Variants in RBFOX1 observed in about 807,000 individuals in gnomAD.
The protein encoded by RBFOX1 is RNA binding protein fox-1 homolog 1.
RBFOX1 carries 8 observed loss-of-function variants against 57.7 expected under a neutral mutation model. That is an observed-to-expected ratio of 0.14 (90% CI 0.08 to 0.25). The LOEUF (loss-of-function observed/expected upper bound fraction) is 0.25. Ranked by LOEUF, RBFOX1 falls within the 10% of genes least tolerant of loss-of-function variation. The pLI is 1.00. For synonymous variants in RBFOX1, 326 were observed against 222.4 expected (o/e 1.47, Z -4.15); for missense variants, 611 against 548.5 (o/e 1.11, Z -1.14).
Position 5,493,156 on chromosome 16 carries a change from G to A in RBFOX1, c.258+25902G>A, listed in dbSNP as rs75327441. 6.7e-3 allele frequency among the ~76,000 whole-genome samples: 1,027 copies of A among 152,316 alleles called. 13 individuals carry two copies. Among genetic ancestry groups the A allele is most frequent in the African/African-American group, 0.023 (962 of 41,574 alleles). ...AAGTGTGTTGACACCTTACTTAGAT[G>A]GTTCTTGAAACTCAGATCCCGAAGA... is the stretch of plus-strand genomic sequence containing the variant. On this transcript the variant is annotated intron_variant, in intron 2 of 2. Coordinates refer to the RBFOX1 transcript ENST00000585867.
intron 2 of RBFOX1, among the ~76,000 whole-genome samples, chr16:5,567,785 T>G (rs1050754167): frequency 6.6e-6 from 1 of 152,152 alleles, no homozygotes; most frequent in Non-Finnish European, 1.5e-5. Context: ...CTATACTGAT[T>G]AGGTTGATGG....
intron 3 of RBFOX1, among the ~76,000 whole-genome samples, chr16:7,029,459 G>C (rs1378173186): frequency 6.6e-6 from 1 of 151,650 alleles, no homozygotes; most frequent in African/African-American, 2.4e-5. Flanking sequence ...CTTCAGTCAG[G>C]ATGGAATAGA....
rs1475211428 is a variant in RBFOX1 at position 6,344,773 on chromosome 16, C to G, written c.-64+27716C>G. ...TGATATGATCTCGGCTTACTGCAAC[C>G]TCCACCACCTGGGTTCAAGCGATTC... is the stretch of plus-strand genomic sequence containing the variant. On this transcript the variant is annotated intron_variant, in intron 2 of 15. Coordinates refer to ENST00000550418, the MANE Select transcript of RBFOX1 (RefSeq NM_018723.4). Among the ~76,000 whole-genome samples the G allele has an allele frequency of 6.9e-5, 10 of 145,930 alleles. No individual in the cohort carries two copies. The South Asian group carries it at 1.5e-3, about 23-fold the overall frequency.
intron 14 of RBFOX1, among the ~76,000 whole-genome samples, chr16:7,704,875 A>C (rs1282004546): frequency 6.6e-6 from 1 of 151,508 alleles, no homozygotes; most frequent in East Asian, 2.0e-4. Flanking sequence ...ACATGGTGAA[A>C]TGTTGTCTAC....
At chr16:6,028,400 T>C (rs1291219611) in intron 1 of RBFOX1, among the ~76,000 whole-genome samples, 1 of 150,146 alleles carries the variant, frequency 6.7e-6, no homozygotes, top group African/African-American at 2.5e-5. Context: ...TGACCGGGCA[T>C]GGTGGCTCCT....
At chr16:6,269,904 A>G (rs971262508) in intron 1 of RBFOX1, among the ~76,000 whole-genome samples, 8 of 152,184 alleles carry the variant, frequency 5.3e-5, no homozygotes, top group African/African-American at 1.9e-4. Flanking sequence ...GTGATTCAAA[A>G]TACAAGTAGT....
chr16:5,908,041 G>C (rs919342097), intron 4 of RBFOX1, among the ~76,000 whole-genome samples: 6 of 148,958 alleles, frequency 4.0e-5, no homozygotes, highest in Admixed American at 2.0e-4. Flanking sequence ...ATGAGCCATA[G>C]CACCTGGTAG....
In RBFOX1 at chr16:6,875,168, C is replaced by G. The variant is rs150885146; in HGVS notation, c.-15-176889C>G. On this transcript the variant is annotated intron_variant, in intron 3 of 15. Coordinates refer to ENST00000550418, the MANE Select transcript of RBFOX1 (RefSeq NM_018723.4). ...TCATATAATGCCTACAGTGCTTGTGCACATAATCATCTTCTTTGTATTATT... is the reference window on the plus strand; with the variant it reads ...TCATATAATGCCTACAGTGCTTGTGGACATAATCATCTTCTTTGTATTATT... Among the ~76,000 whole-genome samples the G allele has an allele frequency of 9.2e-5, 14 of 152,276 alleles. No individual in the cohort carries two copies. The East Asian group carries it at 2.7e-3, about 29-fold the overall frequency.
intron 1 of RBFOX1, among the ~76,000 whole-genome samples, chr16:6,178,140 C>G (rs1369575714): frequency 6.6e-6 from 1 of 150,618 alleles, no homozygotes; most frequent in Admixed American, 6.6e-5. Flanking sequence ...CACCTGGGGA[C>G]CAGCCTGTGT....
chr16:6,163,412 C>G (rs952424820), intron 1 of RBFOX1, among the ~76,000 whole-genome samples: 1 of 152,172 alleles, frequency 6.6e-6, no homozygotes, highest in African/African-American at 2.4e-5. Flanking sequence ...TGAGCATAAG[C>G]GATTGGTAAG....
chr16:5,532,679 T>C (rs1353006140), intron 2 of RBFOX1, among the ~76,000 whole-genome samples: 2 of 152,234 alleles, frequency 1.3e-5, no homozygotes, highest in African/African-American at 2.4e-5. Context: ...TTCAATGCTG[T>C]GCTCTGAGCT....
chr16:7,161,520 A>G (rs1032827108), intron 4 of RBFOX1, among the ~76,000 whole-genome samples: 14 of 152,104 alleles, frequency 9.2e-5, no homozygotes, highest in African/African-American at 1.9e-4. Context: ...TTTAATTCCT[A>G]TTTTACAGAT....
At chr16:7,558,244 C>G (rs1567819752) in intron 5 of RBFOX1, among the ~76,000 whole-genome samples, 1 of 151,932 alleles carries the variant, frequency 6.6e-6, no homozygotes, top group African/African-American at 2.4e-5. Context: ...GTCCTAGGTA[C>G]TCGAGAGGCT....
intron 3 of RBFOX1, among the ~76,000 whole-genome samples, chr16:6,880,982 CAGTG>C (rs1033573081): frequency 3.3e-5 from 5 of 152,154 alleles, no homozygotes; most frequent in Non-Finnish European, 7.3e-5. Flanking sequence ...GATGAATACA[CAGTG>C]AGAGCCTAGG....
At chr16:6,940,763 A>AGTGTGTGTGT (rs61349150) in intron 3 of RBFOX1, among the ~76,000 whole-genome samples, 1,902 of 114,372 alleles carry the variant, frequency 0.017, 48 homozygotes, top group Non-Finnish European at 0.021. Context: ...ATGTCCCGCT[A>AGTGTGTGTGT]GTGTGTGTGT....
intron 4 of RBFOX1, among the ~76,000 whole-genome samples, chr16:6,013,492 G>C (rs2094974200): frequency 6.6e-6 from 1 of 152,182 alleles, no homozygotes; most frequent in South Asian, 2.1e-4. Context: ...TCATTGACAT[G>C]ATTCTAAGCC....
chr16:5,842,063 A>G (rs1273541750), intron 3 of RBFOX1, among the ~76,000 whole-genome samples: 1 of 152,158 alleles, frequency 6.6e-6, no homozygotes, highest in African/African-American at 2.4e-5. Context: ...TAGATGGTGA[A>G]TCTCTGCCCT....
chr16:6,844,316 G>A (rs531863150), intron 3 of RBFOX1, among the ~76,000 whole-genome samples: 1 of 152,160 alleles, frequency 6.6e-6, no homozygotes, highest in East Asian at 1.9e-4. Flanking sequence ...TATTAAATCT[G>A]GTGTTCATTA....
chr16:5,835,265 C>G (rs1448855187), intron 3 of RBFOX1, among the ~76,000 whole-genome samples: 2 of 152,118 alleles, frequency 1.3e-5, no homozygotes, highest in African/African-American at 4.8e-5. Flanking sequence ...GCTGGGCAGG[C>G]ACTACAGGCA....
Sources: gnomAD v4.1 joint callset for allele counts (sites outside exome capture counted in the v4.1 genomes callset) on GRCh38, gnomAD v4.1.1 for gene constraint, MANE v1.5 for transcripts, NCBI Gene and HGNC (gene_info 2026-07-23, HGNC 2026-07-21) for gene names.